NTSR1: variants seen among roughly 807,000 people sequenced by gnomAD.
NTSR1 encodes the protein neurotensin receptor 1.
NTSR1 carries 29 observed loss-of-function variants against 31.2 expected under a neutral mutation model. The ratio of observed to expected loss-of-function variants is 0.93; its 90% CI spans 0.69 to 1.27. The LOEUF (loss-of-function observed/expected upper bound fraction) is 1.27, where lower values mean the gene tolerates loss of function less well. Among genes scored for constraint, NTSR1 ranks in the 50% most tolerant of loss-of-function variants. The probability of loss-of-function intolerance (pLI) is 0.00; values close to 1 mark genes in which losing one functional copy is unlikely to be tolerated. For synonymous variants in NTSR1, 282 were observed against 269.9 expected, an observed-to-expected ratio of 1.04 and a Z score of -0.44; for missense variants, 697 against 595.4, an observed-to-expected ratio of 1.17 and a Z score of -1.78.
intron 2 of NTSR1, among the ~76,000 whole-genome samples, chr20:62,757,457 G>A (rs970495749): frequency 6.6e-6 from 1 of 152,166 alleles, no homozygotes; most frequent in Non-Finnish European, 1.5e-5. Context: ...TAACTTTGTA[G>A]TAAGTTTTGA....
At position 62,733,671 on chromosome 20, in the gene NTSR1, A is replaced by AGAGGGGAGAGAGAAAAGGAAT. The variant is rs1491082375; in HGVS notation, c.715-21011_715-21010insGGGAGAGAGAAAAGGAATGAG. Among the ~76,000 whole-genome samples, 1 of 151,916 alleles carries AGAGGGGAGAGAGAAAAGGAAT rather than the reference A, an allele frequency of 6.6e-6. No individual in the cohort carries two copies. Among genetic ancestry groups the AGAGGGGAGAGAGAAAAGGAAT allele is most frequent in the African/African-American group, 2.4e-5 (1 of 41,318 alleles). ...AAGAGAGAGGGAGAGAGAAAAGGAA[A>AGAGGGGAGAGAGAAAAGGAAT]GAGAGGAGAGAGGGAAAGGCAGAGA... On this transcript the variant is annotated intron_variant, in intron 1 of 3. Coordinates refer to ENST00000370501, the MANE Select transcript of NTSR1 (RefSeq NM_002531.3). The surrounding 1 kb of genome is among the most constrained non-coding windows in gnomAD (Gnocchi z 5.2).
intron 1 of NTSR1, among the ~76,000 whole-genome samples, chr20:62,713,048 G>A (rs910701556): frequency 6.6e-6 from 1 of 152,166 alleles, no homozygotes; most frequent in Non-Finnish European, 1.5e-5. Context: ...TGCAGCCTTT[G>A]AAACAGTTTT....
chr20:62,748,624 A>C (rs1178236463), intron 1 of NTSR1, among the ~76,000 whole-genome samples: 1 of 152,204 alleles, frequency 6.6e-6, no homozygotes, highest in African/African-American at 2.4e-5. Flanking sequence ...CCACTTTCGT[A>C]CAGTCAAATC....
intron 1 of NTSR1, among the ~76,000 whole-genome samples, chr20:62,735,633 G>A (rs954704035): frequency 1.3e-5 from 2 of 152,202 alleles, no homozygotes; most frequent in African/African-American, 4.8e-5. Flanking sequence ...CAGCCTCCCC[G>A]CAAGGTGGCC....
chr20:62,724,917 G>C (rs368872463), intron 1 of NTSR1, among the ~76,000 whole-genome samples: 2 of 152,192 alleles, frequency 1.3e-5, no homozygotes, highest in Non-Finnish European at 2.9e-5. Flanking sequence ...TAAGGATACT[G>C]GTCATTAGAT....
chr20:62,740,465 C>T lies in NTSR1; in HGVS notation c.715-14220C>T, dbSNP rs529782092. ...GGCAGATCTTACAAGCCGTGCAGGCCGGAGGGAAAAGGGTTGTGGGGCTCA... is the reference window on the plus strand; with the variant it reads ...GGCAGATCTTACAAGCCGTGCAGGCTGGAGGGAAAAGGGTTGTGGGGCTCA... On this transcript the variant is annotated intron_variant, in intron 1 of 3. Coordinates refer to ENST00000370501, the MANE Select transcript of NTSR1 (RefSeq NM_002531.3). Among the ~76,000 whole-genome samples, 61 of 150,164 alleles carry T rather than the reference C, an allele frequency of 4.1e-4. No homozygotes were observed. The South Asian group carries it at 0.012, about 29-fold the overall frequency.
Position 62,744,377 on chromosome 20 carries a change from A to G in NTSR1, c.715-10308A>G, listed in dbSNP as rs1395276580. ...AGACCATCCTGGCTAACATGGTGAA[A>G]CCCTGTCTCTACTAAAAATACAAAA... On this transcript the variant is annotated intron_variant, in intron 1 of 3. Coordinates refer to ENST00000370501, the MANE Select transcript of NTSR1 (RefSeq NM_002531.3). This position sits in a 1 kb window ranked among gnomAD's most constrained non-coding sequence, Gnocchi z 4.1. Among the ~76,000 whole-genome samples, 1 of 152,002 alleles carries G rather than the reference A, an allele frequency of 6.6e-6. No homozygotes were observed. The highest frequency in any genetic ancestry group is 6.5e-5 in the Admixed American group (1 of 15,270).
At chr20:62,752,547 A>C (rs928114468) in intron 1 of NTSR1, among the ~76,000 whole-genome samples, 2 of 152,224 alleles carry the variant, frequency 1.3e-5, no homozygotes, top group Admixed American at 1.3e-4. Context: ...CTCCCTCTGG[A>C]AACGGCAGGA....
At chr20:62,717,083 C>T (rs931473377) in intron 1 of NTSR1, among the ~76,000 whole-genome samples, 7 of 152,242 alleles carry the variant, frequency 4.6e-5, no homozygotes, top group Admixed American at 6.5e-5. Context: ...AGGCCCAGAG[C>T]GGGGCAAGGC....
chr20:62,735,972 A>C (rs561182596), intron 1 of NTSR1, among the ~76,000 whole-genome samples: 2 of 152,244 alleles, frequency 1.3e-5, no homozygotes, highest in Non-Finnish European at 2.9e-5. Flanking sequence ...TTCTGTATTC[A>C]ACTGTTCCCT....
intron 1 of NTSR1, among the ~76,000 whole-genome samples, chr20:62,722,788 A>G (rs1240939845): frequency 1.3e-5 from 2 of 152,226 alleles, no homozygotes; most frequent in African/African-American, 4.8e-5. Context: ...ATCGTGTACA[A>G]TTTTATAGTT....
In NTSR1 at chr20:62,715,466, T is replaced by C. The variant is rs1409331511; in HGVS notation, c.714+5545T>C. On this transcript the variant is annotated intron_variant, in intron 1 of 3. Transcript: ENST00000370501. The surrounding 1 kb of genome is among the most constrained non-coding windows in gnomAD (Gnocchi z 4.7). ...TAGCCTGACCCTGTGGTGCTCCCCGTGGGGACAACGGTCAGGCTTTTGAGT... is the reference window on the plus strand; with the variant it reads ...TAGCCTGACCCTGTGGTGCTCCCCGCGGGGACAACGGTCAGGCTTTTGAGT... 6.6e-6 allele frequency among the ~76,000 whole-genome samples: 1 copy of C among 152,130 alleles called. No individual in the cohort carries two copies. The highest frequency in any genetic ancestry group is 1.5e-5 in the Non-Finnish European group (1 of 68,020).
intron 1 of NTSR1, among the ~76,000 whole-genome samples, chr20:62,723,576 T>C (rs1988858467): frequency 2.0e-5 from 3 of 152,190 alleles, no homozygotes; most frequent in Non-Finnish European, 1.5e-5. Context: ...CCATTCCATC[T>C]GGGCTGACCC....
chr20:62,748,698 TG>T (rs959620109), intron 1 of NTSR1, among the ~76,000 whole-genome samples: 8 of 152,150 alleles, frequency 5.3e-5, no homozygotes, highest in Non-Finnish European at 7.4e-5. Context: ...TCATCCCCAG[TG>T]TGGCAGGATT....
Position 62,760,185 on chromosome 20 carries a change from G to A in NTSR1, c.1175G>A (p.Arg392Lys). 1 of 1,614,022 alleles carries A rather than the reference G, an allele frequency of 6.2e-7. No homozygotes were observed. Among genetic ancestry groups the A allele is most frequent in the Non-Finnish European group, 8.5e-7 (1 of 1,180,028 alleles). ...LCPVWRRRRK[R>K]PAFSRKADSV... ...CCGGTGTGGCGGCGCAGGAGGAAGA[G>A]GCCAGCCTTCTCGAGGAAGGCCGAC... Residue 392 changes from arginine to lysine, a missense_variant, in exon 4 of 4, where the codon AGG (arginine) becomes AAG (lysine). Arg to Lys is a conservative substitution (Grantham distance 26). Transcript: ENST00000370501.
rs1412445639 is a variant in NTSR1 at position 62,744,708 on chromosome 20, C to G, written c.715-9977C>G. 6.6e-6 allele frequency among the ~76,000 whole-genome samples: 1 copy of G among 151,950 alleles called. No homozygotes were observed. Among genetic ancestry groups the G allele is most frequent in the African/African-American group, 2.4e-5 (1 of 41,334 alleles). On this transcript the variant is annotated intron_variant, in intron 1 of 3. Transcript: ENST00000370501. This position sits in a 1 kb window ranked among gnomAD's most constrained non-coding sequence, Gnocchi z 4.1. ...CGCCACTGCACTCCAGCCTGGGCAACAAGAGCAAAGCTCAGTCTCACAAAA... is the reference window on the plus strand; with the variant it reads ...CGCCACTGCACTCCAGCCTGGGCAAGAAGAGCAAAGCTCAGTCTCACAAAA...
chr20:62,725,368 T>G (rs1988888362), intron 1 of NTSR1, among the ~76,000 whole-genome samples: 1 of 152,184 alleles, frequency 6.6e-6, no homozygotes, highest in Non-Finnish European at 1.5e-5. Flanking sequence ...TCCAGCCAGG[T>G]GAGGCCATGC....
intron 1 of NTSR1, among the ~76,000 whole-genome samples, chr20:62,737,483 G>A (rs1158544058): frequency 2.0e-5 from 3 of 152,176 alleles, no homozygotes; most frequent in Admixed American, 6.5e-5. Flanking sequence ...CGGCAGGCAC[G>A]TGACCTCTGT....
rs980290397 is a variant in NTSR1 at position 62,745,869 on chromosome 20, A to C, written c.715-8816A>C. ...CCACCACGCGTCCCCCAGAATATTC[A>C]TGGGGCTGGGCCAGGTGACTCCCTG... is the stretch of plus-strand genomic sequence containing the variant. On this transcript the variant is annotated intron_variant, in intron 1 of 3. Transcript: ENST00000370501. The surrounding 1 kb of genome is among the most constrained non-coding windows in gnomAD (Gnocchi z 4.1). Among the ~76,000 whole-genome samples, 3 of 152,184 alleles carry C rather than the reference A, an allele frequency of 2.0e-5. No homozygotes were observed. The highest frequency in any genetic ancestry group is 7.2e-5 in the African/African-American group (3 of 41,448).
Sources: allele counts gnomAD v4.1 joint callset (sites outside exome capture counted in the v4.1 genomes callset), GRCh38; gene constraint gnomAD v4.1.1; non-coding constraint Gnocchi (gnomAD v3.1); transcripts MANE v1.5; gene names NCBI Gene and HGNC (gene_info 2026-07-23, HGNC 2026-07-21).